Variants in CD96 observed in about 807,000 individuals in gnomAD.
CD96 encodes T-cell surface protein tactile.
A neutral mutation model predicts 71.3 loss-of-function variants in CD96; 70 were observed. The observed-to-expected ratio is 0.98, with a 90% CI of 0.81 to 1.20. The LOEUF (loss-of-function observed/expected upper bound fraction) is 1.20, where lower values mean the gene tolerates loss of function less well. Ranked by LOEUF, CD96 falls within the 50% of genes most tolerant of loss-of-function variation. CD96 has a pLI of 0.00. For synonymous variants in CD96, 248 were observed against 233.0 expected (o/e 1.06, Z -0.59); for missense variants, 742 against 677.5 (o/e 1.10, Z -1.06).
Position 111,579,019 on chromosome 3 carries a change from C to T in CD96, c.544-8C>T, listed in dbSNP as rs765402007. 6.0e-5 allele frequency: 91 copies of T among 1,519,086 alleles called. No individual in the cohort carries two copies. The highest frequency in any genetic ancestry group is 7.8e-5 in the Non-Finnish European group (85 of 1,093,826). The allele number at this position is 1,519,086 out of a possible 1,614,324, so 94.1% of individuals were successfully genotyped here. On this transcript the variant is annotated splice_polypyrimidine_tract_variant and splice_region_variant and intron_variant, in intron 3 of 13. Transcript: ENST00000352690. ...GACTCAATAACTGGTAACAATTTTT[C>T]TCACCAGGAGGATAATGGAACTCAG...
At chr3:111,657,570 T>C (rs1940263147) in intron 14 of CD96, among the ~76,000 whole-genome samples, 1 of 152,170 alleles carries the variant, frequency 6.6e-6, no homozygotes. Flanking sequence ...GATTTTTTTA[T>C]TGTAATGATA....
At chr3:111,654,396 G>A (rs1388675285), downstream of CD96, among the ~76,000 whole-genome samples, 1 of 152,222 alleles carries the variant, frequency 6.6e-6, no homozygotes, top group Non-Finnish European at 1.5e-5. Context: ...CTAGGTCAGG[G>A]CCAGGGAACA....
At chr3:111,566,007 A>G (rs1935691533) in intron 2 of CD96, among the ~76,000 whole-genome samples, 1 of 149,362 alleles carries the variant, frequency 6.7e-6, no homozygotes, top group Non-Finnish European at 1.5e-5. Flanking sequence ...ATACTGTTAT[A>G]TAGCATATAT....
intron 10 of CD96, among the ~76,000 whole-genome samples, chr3:111,627,958 A>G (rs1938858696): frequency 6.6e-6 from 1 of 152,208 alleles, no homozygotes; most frequent in Non-Finnish European, 1.5e-5. Context: ...CAAATAAAAC[A>G]CAACAGCAAC....
At chr3:111,577,566 A>C in intron 3 of CD96, 1 of 1,519,434 alleles carries the variant, frequency 6.6e-7, no homozygotes. Flanking sequence ...AAATTGCTGC[A>C]GGAAAAAGAA....
chr3:111,657,554 T>C (rs1940262744), intron 14 of CD96, among the ~76,000 whole-genome samples: 1 of 152,070 alleles, frequency 6.6e-6, no homozygotes, highest in Non-Finnish European at 1.5e-5. Context: ...GAAGGCTTGG[T>C]AGTAAGATTT....
intron 10 of CD96, among the ~76,000 whole-genome samples, chr3:111,627,674 G>T (rs965989019): frequency 2.0e-5 from 3 of 152,192 alleles, no homozygotes; most frequent in Non-Finnish European, 4.4e-5. Context: ...TCTTTAAGCA[G>T]GTCCCTGATT....
At chr3:111,610,221 C>G (rs1937846815) in intron 8 of CD96, among the ~76,000 whole-genome samples, 1 of 152,220 alleles carries the variant, frequency 6.6e-6, no homozygotes, top group Non-Finnish European at 1.5e-5. Flanking sequence ...TCTAAATAAA[C>G]TTATCTTTTT....
intron 7 of CD96, among the ~76,000 whole-genome samples, chr3:111,601,624 G>A (rs909817279): frequency 1.3e-5 from 2 of 152,188 alleles, no homozygotes; most frequent in Non-Finnish European, 2.9e-5. Context: ...AATGGCAACT[G>A]TCAGATATTC....
chr3:111,562,535 C>CA (rs11368514), intron 2 of CD96, among the ~76,000 whole-genome samples: 111,988 of 152,148 alleles, frequency 0.74, 41,306 homozygotes, highest in African/African-American at 0.78. Context: ...TCTCTCTTCT[C>CA]GATTTTTATA....
chr3:111,624,835 G>C (rs1449407518), intron 10 of CD96, among the ~76,000 whole-genome samples: 3 of 152,242 alleles, frequency 2.0e-5, no homozygotes, highest in Non-Finnish European at 4.4e-5. Context: ...AAAATGAAAA[G>C]AGAGAGACCA....
chr3:111,606,633 TAA>T (rs1165319660), intron 7 of CD96, 65 bp from the exon 8 acceptor site: 5 of 842,720 alleles, frequency 5.9e-6, no homozygotes, highest in Non-Finnish European at 1.0e-5. Flanking sequence ...ATTTAAGAAC[TAA>T]GTCAATACTT....
intron 14 of CD96, among the ~76,000 whole-genome samples, chr3:111,661,909 A>T (rs1208923778): frequency 6.6e-6 from 1 of 152,138 alleles, no homozygotes; most frequent in African/African-American, 2.4e-5. Flanking sequence ...CCCAGTGGGG[A>T]CTATGTATGG....
chr3:111,655,120 G>T (rs952933688), downstream of CD96, among the ~76,000 whole-genome samples: 2 of 152,138 alleles, frequency 1.3e-5, no homozygotes, highest in African/African-American at 4.8e-5. Context: ...CAGATAATTG[G>T]GTTGCATTGG....
chr3:111,663,871 C>T (rs552735905), intron 14 of CD96, among the ~76,000 whole-genome samples: 13 of 152,126 alleles, frequency 8.5e-5, no homozygotes, highest in Middle Eastern at 3.4e-3. Flanking sequence ...GCCTCAGCCT[C>T]CCGAGTAGCT....
At chr3:111,565,724 G>A (rs1430744952) in intron 2 of CD96, among the ~76,000 whole-genome samples, 3 of 151,590 alleles carry the variant, frequency 2.0e-5, no homozygotes, top group South Asian at 4.2e-4. Flanking sequence ...TATGGGCTTG[G>A]AGTACTATTT....
intron 8 of CD96, among the ~76,000 whole-genome samples, chr3:111,609,843 C>T (rs976342993): frequency 6.6e-6 from 1 of 152,066 alleles, no homozygotes; most frequent in Non-Finnish European, 1.5e-5. Context: ...GGTTGTCAAC[C>T]AGGGTAATTT....
Position 111,571,041 on chromosome 3 carries a change from G to A in CD96, c.543+3394G>A, listed in dbSNP as rs186374684. 9.4e-4 allele frequency: 1,159 copies of A among 1,230,602 alleles called. 11 individuals are homozygous for A. The highest frequency in any genetic ancestry group is 9.0e-5 in the Non-Finnish European group (75 of 832,414). 76.2% of individuals were successfully genotyped at this position (1,230,602 alleles called of 1,614,324 possible). On this transcript the variant is annotated intron_variant, in intron 3 of 13. Coordinates refer to ENST00000352690, the MANE Select transcript of CD96 (RefSeq NM_005816.5). ...TTTTGGGGTCAGCGGCTTGTAGGAG[G>A]GAGGTCCCTCCAGGCTGTGGGGTAG...
chr3:111,649,892 T>C lies in CD96; in HGVS notation c.*86T>C. 3 of 898,018 alleles carry C rather than the reference T, an allele frequency of 3.3e-6. No individual in the cohort carries two copies. Among genetic ancestry groups the C allele is most frequent in the Non-Finnish European group, 3.7e-6 (2 of 536,168 alleles). 55.6% of individuals were successfully genotyped at this position (898,018 alleles called of 1,614,324 possible). ...TGTGCTTTATTAATATAGTCGCTCTTCAGCCATGCCTTTGCTGCAGCTGAA... is the reference window on the plus strand; with the variant it reads ...TGTGCTTTATTAATATAGTCGCTCTCCAGCCATGCCTTTGCTGCAGCTGAA... On this transcript the variant is annotated 3_prime_UTR_variant, in exon 14 of 14. Transcript: ENST00000352690.
Sources: gnomAD v4.1 joint callset for allele counts (sites outside exome capture counted in the v4.1 genomes callset) on GRCh38, gnomAD v4.1.1 for gene constraint, MANE v1.5 for transcripts, NCBI Gene and HGNC (gene_info 2026-07-23, HGNC 2026-07-21) for gene names.